The following ARID1B variants were observed in gnomAD, a reference collection of about 807,000 sequenced individuals.
ARID1B encodes AT-rich interaction domain 1B.
In ARID1B, 30 loss-of-function variants were observed where a neutral mutation model predicts 212.3. That is an observed-to-expected ratio of 0.14 (90% confidence interval 0.11 to 0.19). The LOEUF (loss-of-function observed/expected upper bound fraction) is 0.19. Ranked by LOEUF, ARID1B falls within the 10% of genes least tolerant of loss-of-function variation. The pLI is 1.00. For missense variants in ARID1B, 2,891 were observed against 3,204.0 expected, an observed-to-expected ratio of 0.90 and a Z score of 2.36; for synonymous variants, 1,402 against 1,301.7, an observed-to-expected ratio of 1.08 and a Z score of -1.66.
intron 2 of ARID1B, among the ~76,000 whole-genome samples, chr6:156,895,792 A>G (rs983012032): frequency 2.6e-5 from 4 of 152,296 alleles, no homozygotes; most frequent in South Asian, 2.1e-4. Flanking sequence ...TAAAAATAAC[A>G]TGTTACCCTA....
chr6:156,930,535 A>G (rs747477464), intron 3 of ARID1B, among the ~76,000 whole-genome samples: 1 of 152,228 alleles, frequency 6.6e-6, no homozygotes, highest in Non-Finnish European at 1.5e-5. Context: ...ACCCTTTGAC[A>G]GAAATTTCAC....
At chr6:156,980,623 T>TTTAC in intron 4 of ARID1B, among the ~76,000 whole-genome samples, 1 of 152,228 alleles carries the variant, frequency 6.6e-6, no homozygotes, top group African/African-American at 2.4e-5. Flanking sequence ...GTGGCAGGGC[T>TTTAC]ACTCGTAGAC....
At chr6:157,026,154 A>G (rs1425329491) in intron 4 of ARID1B, among the ~76,000 whole-genome samples, 1 of 152,128 alleles carries the variant, frequency 6.6e-6, no homozygotes, top group Non-Finnish European at 1.5e-5. Context: ...CAAACTCCCG[A>G]CCTCAGGCGA....
intron 4 of ARID1B, among the ~76,000 whole-genome samples, chr6:157,077,437 A>T (rs1784378697): frequency 6.6e-6 from 1 of 152,078 alleles, no homozygotes; most frequent in Admixed American, 6.5e-5. Flanking sequence ...TGCCTCTGCC[A>T]GGCTCCGGAG....
At chr6:156,788,511 T>G (rs1482803691) in intron 1 of ARID1B, among the ~76,000 whole-genome samples, 3 of 152,176 alleles carry the variant, frequency 2.0e-5, no homozygotes, top group African/African-American at 4.8e-5. Flanking sequence ...TTTGATGATC[T>G]GCAAAAAATG....
chr6:156,985,931 A>T (rs1023318641), intron 4 of ARID1B, among the ~76,000 whole-genome samples: 1 of 152,206 alleles, frequency 6.6e-6, no homozygotes, highest in Non-Finnish European at 1.5e-5. Flanking sequence ...GCTGAAGCAG[A>T]ACCTTTACTG....
intron 4 of ARID1B, among the ~76,000 whole-genome samples, chr6:157,007,425 G>C (rs1266819790): frequency 6.6e-6 from 1 of 152,148 alleles, no homozygotes; most frequent in Middle Eastern, 3.2e-3. Context: ...TAGGGTCAAC[G>C]ATTTTAGGCA....
At chr6:157,028,063 ATG>A (rs1262194997) in intron 4 of ARID1B, among the ~76,000 whole-genome samples, 1 of 151,630 alleles carries the variant, frequency 6.6e-6, no homozygotes, top group East Asian at 1.9e-4. Flanking sequence ...CTGTGTGTGT[ATG>A]TGTGTGTGTG....
chr6:157,130,670 T>C (rs2128578156), intron 6 of ARID1B, among the ~76,000 whole-genome samples: 1 of 152,362 alleles, frequency 6.6e-6, no homozygotes, highest in Middle Eastern at 3.4e-3. Flanking sequence ...TATATCTCTT[T>C]TTTTAATTGA....
intron 4 of ARID1B, chr6:157,030,463 T>C (rs1019112692): frequency 1.3e-5 from 2 of 152,238 alleles, no homozygotes; most frequent in Admixed American, 6.5e-5. Flanking sequence ...TGCATAGTAG[T>C]GGCTGGTTTC....
chr6:157,018,104 C>T (rs559617607), intron 4 of ARID1B, among the ~76,000 whole-genome samples: 4 of 151,722 alleles, frequency 2.6e-5, no homozygotes, highest in African/African-American at 9.7e-5. Context: ...GGCATTCCAG[C>T]CTGGGCAACA....
At chr6:157,086,645 T>C (rs1267451569) in intron 5 of ARID1B, among the ~76,000 whole-genome samples, 2 of 152,214 alleles carry the variant, frequency 1.3e-5, no homozygotes, top group East Asian at 3.8e-4. Context: ...TGTCTGTCCT[T>C]CCAAATGGGG....
rs1340390718 is a variant in ARID1B, at chr6:156,779,062, T to C, written c.1382T>C (p.Met461Thr). The change falls in exon 1 of 20, where the codon ATG becomes ACG. Residue 461 changes from methionine (M) to threonine (T), a missense_variant. Transcript: ENST00000636930. ...LSSPRQQGGG[M>T]MMGPGGGGAA... ...TCCCCCCGGCAGCAGGGCGGCGGCATGATGATGGGCCCCGGGGGCGGCGGG... is the reference window on the plus strand; with the variant it reads ...TCCCCCCGGCAGCAGGGCGGCGGCACGATGATGGGCCCCGGGGGCGGCGGG... The C allele has an allele frequency of 4.9e-6, 6 of 1,218,550 alleles. No individual in the cohort carries two copies. The East Asian group carries it at 1.4e-4, about 27-fold the overall frequency. The allele number at this position is 1,218,550 out of a possible 1,614,324, so 75.5% of individuals were successfully genotyped here.
chr6:157,045,090 AT>A (rs1782143629), intron 4 of ARID1B, among the ~76,000 whole-genome samples: 1 of 152,250 alleles, frequency 6.6e-6, no homozygotes. Context: ...GTAGAGTGCT[AT>A]AAAGCAGAGG....
chr6:156,901,346 T>G lies in ARID1B; in HGVS notation c.1987-30T>G, dbSNP rs1362448447. 3.7e-6 allele frequency: 6 copies of G among 1,614,000 alleles called. No individual in the cohort carries two copies. In the South Asian group the frequency reaches 5.5e-5, roughly 15 times the overall value. On this transcript the variant is annotated intron_variant, in intron 2 of 19. Transcript: ENST00000636930. ...TTCATTTAATTGCACATTTTGACTT[T>G]CTCATTTGCTTTGCTTGACTTTTTG...
intron 8 of ARID1B, among the ~76,000 whole-genome samples, chr6:157,159,713 C>G (rs987162656): frequency 1.3e-5 from 2 of 152,170 alleles, no homozygotes; most frequent in African/African-American, 4.8e-5. Flanking sequence ...AAATACAGCT[C>G]TTTGGAGAAA....
chr6:157,154,068 C>G (rs571895667), intron 8 of ARID1B, among the ~76,000 whole-genome samples: 3 of 152,174 alleles, frequency 2.0e-5, no homozygotes, highest in Non-Finnish European at 4.4e-5. Context: ...TAGATGGTAC[C>G]TGGTGATGTC....
intron 4 of ARID1B, among the ~76,000 whole-genome samples, chr6:157,034,515 T>C (rs558146166): frequency 7.7e-4 from 117 of 152,356 alleles, no homozygotes; most frequent in African/African-American, 2.7e-3. Context: ...TTATGAAATA[T>C]AGTTATTGAC....
Position 156,955,024 on chromosome 6 carries a change from C to T in ARID1B, c.2247+19448C>T, listed in dbSNP as rs530686281. 1.8e-4 allele frequency among the ~76,000 whole-genome samples: 27 copies of T among 152,336 alleles called. No individual in the cohort carries two copies. Among genetic ancestry groups the T allele is most frequent in the African/African-American group, 4.3e-4 (18 of 41,572 alleles). Reference sequence around the variant, plus strand: ...AGGCGTCAGGGTCTGCAGGGCTTTGCGGCAGCTGCAGCCCACTCTTGCCAC... The same window carrying T: ...AGGCGTCAGGGTCTGCAGGGCTTTGTGGCAGCTGCAGCCCACTCTTGCCAC... On this transcript the variant is annotated intron_variant, in intron 4 of 19. Transcript: ENST00000636930. This position sits in a 1 kb window ranked among gnomAD's most constrained non-coding sequence, Gnocchi z 4.2.
Sources: gnomAD v4.1 joint callset for allele counts (sites outside exome capture counted in the v4.1 genomes callset) on GRCh38, gnomAD v4.1.1 for gene constraint, Gnocchi (gnomAD v3.1) non-coding constraint, MANE v1.5 for transcripts, NCBI Gene and HGNC (gene_info 2026-07-23, HGNC 2026-07-21) for gene names.